Variants in PTPRF observed in about 807,000 individuals in gnomAD.
PTPRF encodes the protein receptor-type tyrosine-protein phosphatase F.
In PTPRF, 59 loss-of-function variants were observed where a neutral mutation model predicts 201.8. The ratio of observed to expected loss-of-function variants is 0.29; its 90% CI spans 0.24 to 0.36. The LOEUF is 0.36. Among genes scored for constraint, PTPRF ranks in the 10% least tolerant of loss-of-function variants. The probability of loss-of-function intolerance (pLI) is 1.00; values close to 1 mark genes in which losing one functional copy is unlikely to be tolerated. For synonymous variants in PTPRF, 1,088 were observed against 1,089.7 expected, an observed-to-expected ratio of 1.00 and a Z score of 0.03; for missense variants, 2,132 against 2,690.5, an observed-to-expected ratio of 0.79 and a Z score of 4.59.
Position 43,620,493 on chromosome 1 carries a change from C to A in PTPRF, c.5278C>A (p.Arg1760Ser). The A allele has an allele frequency of 6.2e-7, 1 of 1,612,732 alleles. No individual in the cohort carries two copies. The highest frequency in any genetic ancestry group is 8.5e-7 in the Non-Finnish European group (1 of 1,178,750). ...HQYWPAERSA[R>S]YQYFVVDPMA... Reference sequence around the variant, plus strand: ...GTACTGGCCAGCAGAGCGCTCTGCTCGCTACCAGTACTTTGTTGTTGACCC... The same window carrying A: ...GTACTGGCCAGCAGAGCGCTCTGCTAGCTACCAGTACTTTGTTGTTGACCC... The change falls in exon 31 of 34, where the codon CGC (arginine) becomes AGC (serine). Residue 1760 changes from arginine to serine, a missense_variant. Around this residue, in one of 6 missense-constraint regions of PTPRF, gnomAD observed 519 missense variants for 659.5 expected, o/e 0.79. Transcript: ENST00000359947.
At chr1:43,566,345 A>G (rs1162358558) in intron 5 of PTPRF, among the ~76,000 whole-genome samples, 1 of 152,210 alleles carries the variant, frequency 6.6e-6, no homozygotes, top group Non-Finnish European at 1.5e-5. Flanking sequence ...GTCATTTTGT[A>G]AAGCATTTTA....
At chr1:43,621,300 AAC>A (rs1283384306) in intron 33 of PTPRF, 68 bp downstream of exon 33, 5 of 1,576,974 alleles carry the variant, frequency 3.2e-6, no homozygotes, top group Non-Finnish European at 4.3e-6. Flanking sequence ...AGGCTTTAGC[AAC>A]AGTTTGATGC....
rs1649665383 is a variant in PTPRF at position 43,588,211 on chromosome 1, T to G, written c.680-520T>G. On this transcript the variant is annotated intron_variant, in intron 7 of 33. Transcript: ENST00000359947. This position sits in a 1 kb window ranked among gnomAD's most constrained non-coding sequence, Gnocchi z 5.3. ...TATTTCTTCCCCTCAGGCCATGGCC[T>G]GGAGGTGGAGGCAGTGACTCCACGG... is the stretch of plus-strand genomic sequence containing the variant. Among the ~76,000 whole-genome samples the G allele has an allele frequency of 6.6e-6, 1 of 152,148 alleles. No homozygotes were observed.
chr1:43,546,216 T>C lies in PTPRF; in HGVS notation c.91+1050T>C, dbSNP rs182826269. On this transcript the variant is annotated intron_variant, in intron 3 of 33. Coordinates refer to ENST00000359947, the MANE Select transcript of PTPRF (RefSeq NM_002840.5). The surrounding 1 kb of genome is among the most constrained non-coding windows in gnomAD (Gnocchi z 4.2). ...GCTCATTAATTATTCAGGAACTGATTCTGGAGTGGGGTGGGACTGGTGTGG... is the reference window on the plus strand; with the variant it reads ...GCTCATTAATTATTCAGGAACTGATCCTGGAGTGGGGTGGGACTGGTGTGG... Among the ~76,000 whole-genome samples, 7 of 152,262 alleles carry C rather than the reference T, an allele frequency of 4.6e-5. No homozygotes were observed. The East Asian group carries it at 1.4e-3, about 29-fold the overall frequency.
At chr1:43,568,043 C>T (rs1394069318) in intron 5 of PTPRF, among the ~76,000 whole-genome samples, 1 of 152,100 alleles carries the variant, frequency 6.6e-6, no homozygotes, top group Admixed American at 6.5e-5. Context: ...CAGCTGTAAT[C>T]CCAGCACTTT....
At chr1:43,590,705 G>A (rs1349521358) in intron 8 of PTPRF, among the ~76,000 whole-genome samples, 5 of 152,208 alleles carry the variant, frequency 3.3e-5, no homozygotes, top group Admixed American at 3.3e-4. Context: ...GTGTGCTGAT[G>A]GGAGGGTCCA....
upstream of PTPRF, among the ~76,000 whole-genome samples, chr1:43,525,521 G>A (rs1643071783): frequency 2.0e-5 from 3 of 152,156 alleles, no homozygotes; most frequent in Admixed American, 2.0e-4. Context: ...AGCAACATCA[G>A]GCCAGGCGTG....
Position 43,603,452 on chromosome 1 carries a change from T to C in PTPRF, c.2377T>C (p.Tyr793His). The stretch of plus-strand genomic sequence containing the variant: ...CAGCGGCCTGACCCCGGAGACCACC[T>C]ACTCCGTTACTGTTGCTGCCTATAC... ...TISGLTPETTYSVTVAAYTTK... is the reference protein window; with the variant it reads ...TISGLTPETTHSVTVAAYTTK... Residue 793 changes from tyrosine to histidine, a missense_variant, in exon 15 of 34, where the codon TAC becomes CAC. Tyr to His is a moderately conservative substitution (Grantham distance 83). Transcript: ENST00000359947. This position sits in a 1 kb window ranked among gnomAD's most constrained non-coding sequence, Gnocchi z 5.8. 6.2e-7 allele frequency: 1 copy of C among 1,614,162 alleles called. No individual in the cohort carries two copies.
At chr1:43,548,617 A>T (rs781651609) in intron 3 of PTPRF, among the ~76,000 whole-genome samples, 11 of 152,010 alleles carry the variant, frequency 7.2e-5, no homozygotes, top group Non-Finnish European at 1.3e-4. Flanking sequence ...GGTGCCTGGA[A>T]CCTAGTATGT....
Position 43,620,181 on chromosome 1 carries a change from C to T in PTPRF, c.5198C>T (p.Thr1733Ile). ...CGCATGCTATGGGAGCACAATTCCACCATCATCGTCATGCTGACCAAGCTT... is the reference window on the plus strand; with the variant it reads ...CGCATGCTATGGGAGCACAATTCCATCATCATCGTCATGCTGACCAAGCTT... ...FWRMLWEHNS[T>I]IIVMLTKLRE... Residue 1733 changes from threonine to isoleucine, a missense_variant, in exon 30 of 34, where the codon ACC becomes ATC. Coordinates refer to ENST00000359947, the MANE Select transcript of PTPRF (RefSeq NM_002840.5). 1 of 1,614,122 alleles carries T rather than the reference C, an allele frequency of 6.2e-7. No individual in the cohort carries two copies. Among genetic ancestry groups the T allele is most frequent in the Non-Finnish European group, 8.5e-7 (1 of 1,179,988 alleles).
At chr1:43,586,650 G>A (rs1423069578) in intron 7 of PTPRF, among the ~76,000 whole-genome samples, 1 of 152,250 alleles carries the variant, frequency 6.6e-6, no homozygotes, top group Admixed American at 6.5e-5. Flanking sequence ...TCTGAAAAGT[G>A]TAGTAGATTT....
rs664271 is a variant in PTPRF at position 43,609,342 on chromosome 1, T to G, written c.3858-41T>G. The G allele has an allele frequency of 4.3e-3, 6,724 of 1,553,770 alleles. 269 individuals are homozygous for G. In the African/African-American group the frequency reaches 0.082, roughly 19 times the overall value. ...CATGCCATGTGTCACTGTCTCAGCC[T>G]GGACCTCAGGTTCTCACCAGCCTCC... On this transcript the variant is annotated intron_variant, in intron 21 of 33. Transcript: ENST00000359947.
intron 18 of PTPRF, 31 bp downstream of exon 18, chr1:43,605,474 G>A: frequency 6.2e-7 from 1 of 1,611,290 alleles, no homozygotes; most frequent in South Asian, 1.1e-5. Flanking sequence ...GGGAGGCGGG[G>A]CAGGGCTGGA....
intron 7 of PTPRF, 87 bp downstream of exon 7, chr1:43,579,007 C>A: frequency 8.2e-7 from 1 of 1,219,108 alleles, no homozygotes; most frequent in Non-Finnish European, 1.2e-6. Context: ...TTGGTGCAGA[C>A]ACGCAAGGGA....
intron 7 of PTPRF, among the ~76,000 whole-genome samples, chr1:43,587,724 G>A (rs554917496): frequency 3.3e-5 from 5 of 152,320 alleles, no homozygotes; most frequent in African/African-American, 4.8e-5. Flanking sequence ...GAGAGTGCCC[G>A]TGTAGGACAC....
intron 19 of PTPRF, among the ~76,000 whole-genome samples, chr1:43,605,984 T>G (rs1655004280): frequency 6.6e-6 from 1 of 152,190 alleles, no homozygotes; most frequent in South Asian, 2.1e-4. Flanking sequence ...CTTCAGTCCT[T>G]TCTCATAGCC....
intron 5 of PTPRF, among the ~76,000 whole-genome samples, chr1:43,562,390 G>A (rs1245511340): frequency 1.3e-5 from 2 of 151,966 alleles, no homozygotes; most frequent in Non-Finnish European, 2.9e-5. Flanking sequence ...TTATAGGCGT[G>A]AGCCACCGCG....
At chr1:43,532,812 C>A (rs1384207908) in intron 1 of PTPRF, among the ~76,000 whole-genome samples, 1 of 152,130 alleles carries the variant, frequency 6.6e-6, no homozygotes, top group Admixed American at 6.5e-5. Flanking sequence ...CATTCTCAGC[C>A]CCAGGCACAG....
intron 3 of PTPRF, among the ~76,000 whole-genome samples, chr1:43,552,866 G>A (rs538101708): frequency 2.6e-5 from 4 of 152,154 alleles, no homozygotes; most frequent in Admixed American, 6.5e-5. Flanking sequence ...ACTAAGTCGG[G>A]GGGGAGGGAT....
Sources: allele counts gnomAD v4.1 joint callset (sites outside exome capture counted in the v4.1 genomes callset), GRCh38; gene constraint gnomAD v4.1.1; regional missense constraint gnomAD v4.1.1; non-coding constraint Gnocchi (gnomAD v3.1); transcripts MANE v1.5; gene names NCBI Gene and HGNC (gene_info 2026-07-23, HGNC 2026-07-21).